The following PNPLA4 variants were observed in gnomAD, a reference collection of about 807,000 sequenced individuals.
PNPLA4 encodes the protein patatin like domain 4, phospholipase and triacylglycerol lipase, also known as patatin-like phospholipase domain-containing protein 4.
Under a neutral mutation model 18.3 loss-of-function variants are expected in PNPLA4, and 15 were observed. The ratio of observed to expected loss-of-function variants is 0.82; its 90% CI spans 0.55 to 1.26. The LOEUF is 1.26. Among genes scored for constraint, PNPLA4 ranks in the 50% most tolerant of loss-of-function variants. PNPLA4 has a pLI of 0.00. For missense variants in PNPLA4, 229 were observed against 196.8 expected (o/e 1.16, Z -0.98); for synonymous variants, 88 against 85.6 (o/e 1.03, Z -0.16).
At chrX:7,900,843 G>A in intron 6 of PNPLA4, 26 bp from the exon 7 acceptor site, 1 of 1,161,673 alleles carries the variant, frequency 8.6e-7, no homozygotes, top group Non-Finnish European at 1.2e-6. Flanking sequence ...CAAAATTTAA[G>A]CTGTAGGATA....
chrX:7,913,318 T>A (rs765706619), intron 4 of PNPLA4, among the ~76,000 whole-genome samples: 1 of 111,897 alleles, frequency 8.9e-6, no homozygotes, highest in Non-Finnish European at 1.9e-5. Context: ...CTGTTGGGTA[T>A]CTCTCTCCCT....
chrX:7,902,124 G>A lies in PNPLA4; in HGVS notation c.495C>T (p.Gly165=), dbSNP rs761465508. The change falls in exon 6 of 7, where the codon GGC becomes GGT. Residue 165 remains glycine (G), a synonymous_variant. Transcript: ENST00000381042. ...GCAGGATGGGAAGAGCGTTGGTGAG[G>A]CCTCCGTCCACCCACTTCTGTGGAA... is the stretch of plus-strand genomic sequence containing the variant. ...EYKGQKWVDG[G]LTNALPILPV... 7.8e-5 allele frequency: 94 copies of A among 1,201,475 alleles called. 1 individual carries two copies. In the Admixed American group the frequency reaches 2.1e-3, roughly 27 times the overall value.
At chrX:7,922,181 C>G in intron 2 of PNPLA4, 83 bp from the exon 3 acceptor site, 1 of 677,077 alleles carries the variant, frequency 1.5e-6, no homozygotes, top group Non-Finnish European at 2.3e-6. Flanking sequence ...ATTCTATAGA[C>G]CCAACAGCAA....
At chrX:7,908,703 G>C (rs1923784540) in intron 5 of PNPLA4, among the ~76,000 whole-genome samples, 1 of 112,070 alleles carries the variant, frequency 8.9e-6, no homozygotes, top group East Asian at 2.8e-4. Context: ...TTAAACAACA[G>C]AGGAAAACTG....
At chrX:7,922,158 TCTAAAA>T in intron 2 of PNPLA4, 60 bp from the exon 3 acceptor site, 1 of 867,105 alleles carries the variant, frequency 1.2e-6, no homozygotes, top group Non-Finnish European at 1.7e-6. Flanking sequence ...TCATTCCACT[TCTAAAA>T]CTTGGGATTC....
intron 4 of PNPLA4, among the ~76,000 whole-genome samples, chrX:7,915,058 C>T (rs1220637558): frequency 9.0e-6 from 1 of 111,662 alleles, no homozygotes; most frequent in Non-Finnish European, 1.9e-5. Context: ...TTGTAGTCAG[C>T]TTACTGCCAT....
In PNPLA4 at chrX:7,922,038, C is replaced by T. The variant is rs367756179; in HGVS notation, c.241G>A (p.Val81Ile). 10 of 1,207,256 alleles carry T rather than the reference C, an allele frequency of 8.3e-6. No homozygotes were observed. The highest frequency in any genetic ancestry group is 1.0e-5 in the Non-Finnish European group (9 of 893,055). The stretch of plus-strand genomic sequence containing the variant: ...GCCATGAAGTCATAACCGGGCGTTA[C>T]TGCCCCGAAAGACTGCCTTCTGATT... ...EEIRRQSFGA[V>I]TPGYDFMARL... The change falls in exon 3 of 7, where the codon GTA becomes ATA. Residue 81 changes from valine to isoleucine, a missense_variant. By Grantham distance (29) the Val-to-Ile change is conservative (BLOSUM62 3). Coordinates refer to ENST00000381042, the MANE Select transcript of PNPLA4 (RefSeq NM_004650.3).
rs1252633037 is a variant in PNPLA4 at position 7,900,817 on chromosome X, A to G, written c.631T>C (p.Leu211=). ...AGTCTCACCAGGTTTGCCAGGGACA[A>G]CTAGAATAAAAAGACCAAAATTTAA... ...YVNIAKQDIM[L]SLANLVRLNQ... Residue 211 remains leucine (L), a splice_region_variant and synonymous_variant, in exon 7 of 7, where the codon TTG becomes CTG. Coordinates refer to ENST00000381042, the MANE Select transcript of PNPLA4 (RefSeq NM_004650.3). The G allele has an allele frequency of 1.4e-5, 17 of 1,196,755 alleles. No homozygotes were observed. The highest frequency in any genetic ancestry group is 1.9e-5 in the Non-Finnish European group (17 of 887,840).
intron 4 of PNPLA4, among the ~76,000 whole-genome samples, chrX:7,920,197 C>T (rs1924170975): frequency 1.8e-5 from 2 of 110,735 alleles, no homozygotes; most frequent in South Asian, 7.8e-4. Flanking sequence ...AGGGATGGAC[C>T]CCGTGAGAGA....
At position 7,899,734 on chromosome X, in the gene PNPLA4, G is replaced by C. The variant is rs1294347880; in HGVS notation, c.*952C>G. ...TAAACTGGGGTGGGGTTTAGGGGAGGAAGATGAGAGGGGATAAGCCTCTTC... is the reference window on the plus strand; with the variant it reads ...TAAACTGGGGTGGGGTTTAGGGGAGCAAGATGAGAGGGGATAAGCCTCTTC... On this transcript the variant is annotated 3_prime_UTR_variant, in exon 7 of 7. Coordinates refer to ENST00000381042, the MANE Select transcript of PNPLA4 (RefSeq NM_004650.3). The C allele has an allele frequency of 9.4e-6, 1 of 106,232 alleles. No individual in the cohort carries two copies. The highest frequency in any genetic ancestry group is 1.9e-5 in the Non-Finnish European group (1 of 51,750). 8.8% of individuals were successfully genotyped at this position (106,232 alleles called of 1,213,427 possible).
chrX:7,914,339 G>A (rs1923969433), intron 4 of PNPLA4, among the ~76,000 whole-genome samples: 1 of 111,569 alleles, frequency 9.0e-6, no homozygotes, highest in East Asian at 2.8e-4. Flanking sequence ...AAATCAATAG[G>A]AGAGAGAGGA....
At position 7,926,206 on chromosome X, in the gene PNPLA4, C is replaced by A. The variant is rs188999397; in HGVS notation, c.-13-74G>T. ...ACATACTGTGTAGTCTTATGTTGAT[C>A]ATCGTTCCAAGGCTTTCTTCTAACA... On this transcript the variant is annotated intron_variant, in intron 1 of 6. Coordinates refer to ENST00000381042, the MANE Select transcript of PNPLA4 (RefSeq NM_004650.3). 1.4e-4 allele frequency: 106 copies of A among 752,660 alleles called. 2 individuals are homozygous for A. The Admixed American group carries it at 2.9e-3, about 21-fold the overall frequency. The allele number at this position is 752,660 out of a possible 1,213,427, so 62.0% of individuals were successfully genotyped here. A position where few individuals can be genotyped will look rare whatever the true frequency, so the allele number is the denominator to read the frequency against.
chrX:7,914,400 G>C (rs1923971946), intron 4 of PNPLA4, among the ~76,000 whole-genome samples: 1 of 111,707 alleles, frequency 9.0e-6, no homozygotes, highest in African/African-American at 3.3e-5. Flanking sequence ...CGGTAGCAAT[G>C]ACATCATTGG....
At chrX:7,914,139 C>T (rs769172490) in intron 4 of PNPLA4, among the ~76,000 whole-genome samples, 2 of 112,177 alleles carry the variant, frequency 1.8e-5, no homozygotes, top group South Asian at 3.7e-4. Context: ...AATAACCTCA[C>T]GCAAGGTCTG....
chrX:7,923,253 T>C (rs2093965459), intron 2 of PNPLA4, among the ~76,000 whole-genome samples: 1 of 111,520 alleles, frequency 9.0e-6, no homozygotes, highest in African/African-American at 3.3e-5. Flanking sequence ...CCCAATATCA[T>C]CACAAGGTTT....
intron 4 of PNPLA4, among the ~76,000 whole-genome samples, chrX:7,920,950 A>C (rs1227661567): frequency 8.9e-6 from 1 of 112,368 alleles, no homozygotes; most frequent in Admixed American, 9.4e-5. Context: ...CATCACATAA[A>C]ATCTTTCCAT....
intron 5 of PNPLA4, among the ~76,000 whole-genome samples, chrX:7,903,448 C>T (rs1419296656): frequency 1.8e-5 from 2 of 110,448 alleles, no homozygotes; most frequent in African/African-American, 6.6e-5. Context: ...TACAGGCGCC[C>T]GCCACCATGC....
At chrX:7,918,980 T>C (rs1924130682) in intron 4 of PNPLA4, among the ~76,000 whole-genome samples, 1 of 112,352 alleles carries the variant, frequency 8.9e-6, no homozygotes, top group African/African-American at 3.2e-5. Context: ...CCTTCCTTTT[T>C]AGTTCTGAAA....
intron 5 of PNPLA4, among the ~76,000 whole-genome samples, chrX:7,907,470 A>C (rs1193357375): frequency 8.9e-6 from 1 of 112,444 alleles, no homozygotes; most frequent in Non-Finnish European, 1.9e-5. Context: ...CCAAATTGAC[A>C]AGAATCTGTG....
Sources: gnomAD v4.1 joint callset for allele counts (sites outside exome capture counted in the v4.1 genomes callset) on GRCh38, gnomAD v4.1.1 for gene constraint, MANE v1.5 for transcripts, NCBI Gene and HGNC (gene_info 2026-07-23, HGNC 2026-07-21) for gene names.